Variants in EIPR1 observed in about 807,000 individuals in gnomAD.
EIPR1 encodes the protein EARP complex and GARP complex interacting protein 1.
In EIPR1, 25 loss-of-function variants were observed where a neutral mutation model predicts 48.1. The observed-to-expected ratio is 0.52, with a 90% CI of 0.38 to 0.73. The LOEUF (loss-of-function observed/expected upper bound fraction) is 0.73. Among genes scored for constraint, EIPR1 ranks in the 30% least tolerant of loss-of-function variants. EIPR1 has a pLI of 0.00. For missense variants in EIPR1, 415 were observed against 506.2 expected (o/e 0.82, Z 1.73); for synonymous variants, 204 against 201.9 (o/e 1.01, Z -0.09).
intron 3 of EIPR1, among the ~76,000 whole-genome samples, chr2:3,281,590 G>A (rs1668012419): frequency 1.3e-5 from 2 of 152,168 alleles, no homozygotes; most frequent in Admixed American, 6.5e-5. Flanking sequence ...GTGCTCATGA[G>A]CAACACCCAC....
intron 1 of EIPR1, among the ~76,000 whole-genome samples, chr2:3,366,602 T>G (rs1670978506): frequency 6.6e-6 from 1 of 152,094 alleles, no homozygotes; most frequent in African/African-American, 2.4e-5. Flanking sequence ...AAGTGAGTGT[T>G]CACAAGAAAA....
chr2:3,213,353 G>A (rs1339688998), intron 5 of EIPR1, among the ~76,000 whole-genome samples: 1 of 152,006 alleles, frequency 6.6e-6, no homozygotes, highest in Non-Finnish European at 1.5e-5. Flanking sequence ...AATCAAATAT[G>A]AAAAATATAT....
intron 3 of EIPR1, among the ~76,000 whole-genome samples, chr2:3,313,282 G>A (rs1669183024): frequency 6.6e-6 from 1 of 152,240 alleles, no homozygotes; most frequent in Non-Finnish European, 1.5e-5. Flanking sequence ...ATCCCTGGGA[G>A]AGGACATGGA....
chr2:3,324,263 C>T (rs1669623750), intron 3 of EIPR1, among the ~76,000 whole-genome samples: 1 of 152,170 alleles, frequency 6.6e-6, no homozygotes, highest in African/African-American at 2.4e-5. Context: ...CCACCCGAGA[C>T]AGCTCACTGC....
chr2:3,206,533 C>T (rs923845205), intron 5 of EIPR1, among the ~76,000 whole-genome samples: 2 of 152,234 alleles, frequency 1.3e-5, no homozygotes, highest in Non-Finnish European at 2.9e-5. Context: ...CATTAGGTGA[C>T]AGGATGTGCC....
At chr2:3,364,419 C>G (rs1670925409) in intron 1 of EIPR1, among the ~76,000 whole-genome samples, 1 of 152,034 alleles carries the variant, frequency 6.6e-6, no homozygotes. Flanking sequence ...TGCTTGAGCT[C>G]AGGAGTTTGA....
chr2:3,364,177 A>G (rs756720422), intron 1 of EIPR1, among the ~76,000 whole-genome samples: 2 of 152,234 alleles, frequency 1.3e-5, no homozygotes, highest in Non-Finnish European at 2.9e-5. Flanking sequence ...ATTCAAAGGA[A>G]AGGAAATCAG....
rs1357707600 is a variant in EIPR1 at position 3,205,467 on chromosome 2, G to A, written c.517-8450C>T. Among the ~76,000 whole-genome samples, 6 of 152,192 alleles carry A rather than the reference G, an allele frequency of 3.9e-5. No homozygotes were observed. The South Asian group carries it at 1.2e-3, about 32-fold the overall frequency. ...TGAAGGCAGAAAGCAGTCACATGTGGATATGGCAGAGTGGAAAGATGCAAA... is the reference window on the plus strand; with the variant it reads ...TGAAGGCAGAAAGCAGTCACATGTGAATATGGCAGAGTGGAAAGATGCAAA... On this transcript the variant is annotated intron_variant, in intron 5 of 8. Coordinates refer to ENST00000382125, the MANE Select transcript of EIPR1 (RefSeq NM_003310.5).
chr2:3,375,539 G>C (rs909643922), intron 1 of EIPR1, among the ~76,000 whole-genome samples: 4 of 152,098 alleles, frequency 2.6e-5, no homozygotes, highest in Non-Finnish European at 5.9e-5. Context: ...GCATCTTCAG[G>C]TAGTACAAGA....
chr2:3,254,754 C>T (rs995035410), intron 4 of EIPR1, among the ~76,000 whole-genome samples: 1 of 152,158 alleles, frequency 6.6e-6, no homozygotes, highest in Non-Finnish European at 1.5e-5. Context: ...CACAAGGGAC[C>T]CAGGGTTGGA....
intron 1 of EIPR1, among the ~76,000 whole-genome samples, chr2:3,358,681 C>G (rs781096616): frequency 1.3e-5 from 2 of 152,180 alleles, no homozygotes; most frequent in African/African-American, 4.8e-5. Context: ...GAGCCTCTGA[C>G]GCTATCCAAT....
At chr2:3,299,377 C>T (rs1333703966) in intron 3 of EIPR1, among the ~76,000 whole-genome samples, 1 of 152,066 alleles carries the variant, frequency 6.6e-6, no homozygotes, top group Non-Finnish European at 1.5e-5. Context: ...ATTGTCCCAG[C>T]GACTCTGCTT....
intron 5 of EIPR1, among the ~76,000 whole-genome samples, chr2:3,202,704 C>T (rs928205995): frequency 6.6e-6 from 1 of 152,216 alleles, no homozygotes; most frequent in Non-Finnish European, 1.5e-5. Context: ...TCTGCCATCC[C>T]AAGCTCTTGC....
chr2:3,266,471 C>A (rs753494381), intron 3 of EIPR1, among the ~76,000 whole-genome samples: 3 of 152,224 alleles, frequency 2.0e-5, no homozygotes, highest in Non-Finnish European at 4.4e-5. Context: ...AGGGATGGCA[C>A]CATGTACAGA....
intron 4 of EIPR1, among the ~76,000 whole-genome samples, chr2:3,244,179 A>G (rs557796788): frequency 2.6e-5 from 4 of 152,342 alleles, no homozygotes; most frequent in Admixed American, 2.0e-4. Flanking sequence ...TCTTCTCAGC[A>G]AGTCCAAAGA....
At chr2:3,285,303 G>C (rs962245588) in intron 3 of EIPR1, among the ~76,000 whole-genome samples, 4 of 151,520 alleles carry the variant, frequency 2.6e-5, no homozygotes, top group African/African-American at 9.7e-5. Flanking sequence ...CCAGGAAACA[G>C]AGCCAACACC....
At position 3,194,696 on chromosome 2, in the gene EIPR1, A is replaced by G. The variant is rs55995038; in HGVS notation, c.654-530T>C. 4.1e-3 allele frequency among the ~76,000 whole-genome samples: 615 copies of G among 150,614 alleles called. 3 individuals are homozygous for G. The highest frequency in any genetic ancestry group is 8.3e-3 in the African/African-American group (339 of 40,714). ...TATATATATACAGAGAGAGAGAGAA[A>G]GGGGGGGGCAGTGGGGAAGGCCATG... On this transcript the variant is annotated intron_variant, in intron 6 of 8. Coordinates refer to ENST00000382125, the MANE Select transcript of EIPR1 (RefSeq NM_003310.5).
At chr2:3,335,625 A>G (rs1670019339) in intron 3 of EIPR1, among the ~76,000 whole-genome samples, 1 of 152,182 alleles carries the variant, frequency 6.6e-6, no homozygotes, top group Non-Finnish European at 1.5e-5. Flanking sequence ...CCCCACCCAA[A>G]TCTCATCTCG....
At chr2:3,328,124 T>C (rs532928120) in intron 3 of EIPR1, among the ~76,000 whole-genome samples, 3 of 152,272 alleles carry the variant, frequency 2.0e-5, no homozygotes, top group East Asian at 1.9e-4. Flanking sequence ...GGGAAGCTCA[T>C]GTGTTGGCAC....
Sources: allele counts gnomAD v4.1 joint callset (sites outside exome capture counted in the v4.1 genomes callset), GRCh38; gene constraint gnomAD v4.1.1; transcripts MANE v1.5; gene names NCBI Gene and HGNC (gene_info 2026-07-23, HGNC 2026-07-21).